Variants in COP1 observed in about 807,000 individuals in gnomAD.
The protein encoded by COP1 is E3 ubiquitin-protein ligase COP1.
Under a neutral mutation model 101.3 loss-of-function variants are expected in COP1, and 24 were observed. That is an observed-to-expected ratio of 0.24 (90% CI 0.17 to 0.33). The LOEUF (loss-of-function observed/expected upper bound fraction) is 0.33, where lower values mean the gene tolerates loss of function less well. Ranked by LOEUF, COP1 falls within the 10% of genes least tolerant of loss-of-function variation. The probability of loss-of-function intolerance (pLI) is 1.00; values close to 1 mark genes in which losing one functional copy is unlikely to be tolerated. For missense variants in COP1, 663 were observed against 906.2 expected (o/e 0.73, Z 3.45); for synonymous variants, 347 against 341.9 (o/e 1.01, Z -0.17).
At chr1:175,947,341 A>C in intron 18 of COP1, 102 bp from the exon 19 acceptor site, 1 of 801,790 alleles carries the variant, frequency 1.2e-6, no homozygotes, top group Non-Finnish European at 2.2e-6. Flanking sequence ...TTCAATTCCT[A>C]AGACAATTGA....
At chr1:176,116,831 G>A in intron 8 of COP1, 150 bp from the exon 9 acceptor site, 1 of 615,190 alleles carries the variant, frequency 1.6e-6, no homozygotes, top group Non-Finnish European at 2.9e-6. Flanking sequence ...ACATCAAATA[G>A]ACAACCCATA....
At chr1:176,200,428 A>G (rs181483648) in intron 1 of COP1, among the ~76,000 whole-genome samples, 1 of 152,168 alleles carries the variant, frequency 6.6e-6, no homozygotes, top group African/African-American at 2.4e-5. Flanking sequence ...CTGTGAATTA[A>G]TACTAAAGAC....
intron 11 of COP1, among the ~76,000 whole-genome samples, chr1:176,074,672 G>C (rs976078206): frequency 9.9e-5 from 15 of 151,416 alleles, no homozygotes; most frequent in African/African-American, 3.4e-4. Flanking sequence ...ATAAATGTCA[G>C]TATGATTAGG....
At chr1:176,164,745 G>A (rs542209209) in intron 3 of COP1, among the ~76,000 whole-genome samples, 5 of 152,232 alleles carry the variant, frequency 3.3e-5, no homozygotes, top group South Asian at 2.1e-4. Flanking sequence ...TTCTTTTCCC[G>A]TGAATCGATA....
At chr1:176,136,587 G>T in intron 6 of COP1, 40 bp from the exon 7 acceptor site, 1 of 1,258,682 alleles carries the variant, frequency 7.9e-7, no homozygotes, top group Non-Finnish European at 1.1e-6. Context: ...AAAAAAAAAA[G>T]CCTAAGCCAA....
intron 11 of COP1, among the ~76,000 whole-genome samples, chr1:176,056,273 T>G (rs1571961248): frequency 6.6e-6 from 1 of 152,302 alleles, no homozygotes; most frequent in East Asian, 1.9e-4. Flanking sequence ...TTTATAAATG[T>G]TTGTATATGT....
At chr1:176,023,457 G>A (rs1463064650) in intron 15 of COP1, among the ~76,000 whole-genome samples, 2 of 152,204 alleles carry the variant, frequency 1.3e-5, no homozygotes, top group East Asian at 1.9e-4. Context: ...GGTGGCTCAC[G>A]CCTGTAATCC....
chr1:175,998,522 C>A (rs1660846056), intron 15 of COP1, among the ~76,000 whole-genome samples: 1 of 151,252 alleles, frequency 6.6e-6, no homozygotes, highest in Non-Finnish European at 1.5e-5. Flanking sequence ...GATTAACAGG[C>A]ATTCAGAAAA....
At chr1:175,981,136 C>A (rs1655750777) in intron 18 of COP1, among the ~76,000 whole-genome samples, 2 of 152,090 alleles carry the variant, frequency 1.3e-5, no homozygotes, top group African/African-American at 4.8e-5. Flanking sequence ...CTGCCCTAAG[C>A]ATATCCTCTA....
intron 18 of COP1, among the ~76,000 whole-genome samples, chr1:175,964,992 T>A (rs150159896): frequency 6.6e-6 from 1 of 152,202 alleles, no homozygotes; most frequent in African/African-American, 2.4e-5. Context: ...TTTGCACTCA[T>A]ACAAAGATGA....
intron 18 of COP1, among the ~76,000 whole-genome samples, chr1:175,970,826 G>A (rs1429675344): frequency 6.6e-6 from 1 of 152,042 alleles, no homozygotes; most frequent in East Asian, 1.9e-4. Flanking sequence ...ACCAGATAGA[G>A]GTACATGCAA....
At chr1:176,197,162 A>G (rs1298712395) in intron 1 of COP1, among the ~76,000 whole-genome samples, 1 of 152,216 alleles carries the variant, frequency 6.6e-6, no homozygotes, top group Non-Finnish European at 1.5e-5. Flanking sequence ...TCTAAGATAC[A>G]GGCAACATGC....
intron 18 of COP1, among the ~76,000 whole-genome samples, chr1:175,978,620 G>C (rs1179096346): frequency 6.6e-6 from 1 of 152,126 alleles, no homozygotes; most frequent in Non-Finnish European, 1.5e-5. Context: ...CTGGAAGTCA[G>C]GGTCCATGCT....
At chr1:176,169,518 T>C (rs1246085738) in intron 3 of COP1, among the ~76,000 whole-genome samples, 2 of 151,706 alleles carry the variant, frequency 1.3e-5, no homozygotes, top group Non-Finnish European at 2.9e-5. Context: ...CACATGAATT[T>C]TGGTTTCCCA....
At position 176,207,165 on chromosome 1, in the gene COP1, G is replaced by A. The variant is rs567341355; in HGVS notation, c.-187C>T. 1,803 of 442,188 alleles carry A rather than the reference G, an allele frequency of 4.1e-3. 6 individuals carry two copies. The highest frequency in any genetic ancestry group is 9.0e-3 in the Middle Eastern group (15 of 1,672). The allele number at this position is 442,188 out of a possible 1,614,324, so 27.4% of individuals were successfully genotyped here. ...ACACAACAGCGTCCCACGGGAGGGG[G>A]CGGAGGAAACTAAAAAAGCGGAGTA... On this transcript the variant is annotated 5_prime_UTR_variant, in exon 1 of 20. Transcript: ENST00000367669.
chr1:176,175,359 T>C (rs1256034889), intron 3 of COP1, among the ~76,000 whole-genome samples: 4 of 152,200 alleles, frequency 2.6e-5, no homozygotes, highest in Non-Finnish European at 1.5e-5. Context: ...CCCAACCTTT[T>C]TGGGACCAGG....
chr1:176,099,505 G>GTCTCTGTC (rs1553262553), intron 9 of COP1, among the ~76,000 whole-genome samples: 2 of 143,790 alleles, frequency 1.4e-5, no homozygotes, highest in African/African-American at 5.1e-5. Context: ...GAGCATATTT[G>GTCTCTGTC]TCTCTCTCTC....
At chr1:176,045,373 A>G (rs1353006798) in intron 12 of COP1, among the ~76,000 whole-genome samples, 1 of 152,188 alleles carries the variant, frequency 6.6e-6, no homozygotes, top group African/African-American at 2.4e-5. Flanking sequence ...TAAATGAACT[A>G]GAAAAAAGAA....
At chr1:176,145,869 C>A (rs1036363973) in intron 6 of COP1, among the ~76,000 whole-genome samples, 1 of 152,088 alleles carries the variant, frequency 6.6e-6, no homozygotes, top group Non-Finnish European at 1.5e-5. Flanking sequence ...ACCTAATGGG[C>A]AAGGAAGATG....
Sources: gnomAD v4.1 joint callset for allele counts (sites outside exome capture counted in the v4.1 genomes callset) on GRCh38, gnomAD v4.1.1 for gene constraint, MANE v1.5 for transcripts, NCBI Gene and HGNC (gene_info 2026-07-23, HGNC 2026-07-21) for gene names.